CT45A5: variants seen among roughly 807,000 people sequenced by gnomAD.
The protein encoded by CT45A5 is cancer/testis antigen CT45-5.
downstream of CT45A5, among the ~76,000 whole-genome samples, chrX:135,776,841 C>CAT (rs1270795168): frequency 7.2e-5 from 1 of 13,970 alleles, no homozygotes. Flanking sequence ...CACACGCATA[C>CAT]ATATATATAT....
chrX:135,776,984 AC>A (rs2088214533), downstream of CT45A5: 1 of 49,316 alleles, frequency 2.0e-5, no homozygotes, highest in Non-Finnish European at 4.0e-5. Flanking sequence ...ACACACACAC[AC>A]ATTAAAATCT....
At chrX:135,776,943 AACAC>A (rs71254099), downstream of CT45A5, among the ~76,000 whole-genome samples, 6,129 of 14,663 alleles carry the variant, frequency 0.42, 129 homozygotes, top group Non-Finnish European at 0.48. Context: ...ACCCCCTACC[AACAC>A]ACACACACAC....
downstream of CT45A5, among the ~76,000 whole-genome samples, chrX:135,776,943 AACACACAC>A (rs71254099): frequency 1.1e-3 from 17 of 15,468 alleles, no homozygotes; most frequent in East Asian, 2.2e-3. Context: ...ACCCCCTACC[AACACACAC>A]ACACACACAC....
chrX:135,776,943 AACACACACAC>A (rs71254099), downstream of CT45A5, among the ~76,000 whole-genome samples: 1 of 15,492 alleles, frequency 6.5e-5, no homozygotes. Context: ...ACCCCCTACC[AACACACACAC>A]ACACACACAC....
chrX:135,776,980 ACACACATT>A (rs2088214432), downstream of CT45A5: 1 of 51,504 alleles, frequency 1.9e-5, no homozygotes. Flanking sequence ...ACACACACAC[ACACACATT>A]AAAATCTCCC....
downstream of CT45A5, among the ~76,000 whole-genome samples, chrX:135,776,943 AACACACACACACACAC>A (rs71254099): frequency 3.9e-4 from 6 of 15,484 alleles, no homozygotes; most frequent in African/African-American, 1.5e-3. Context: ...ACCCCCTACC[AACACACACACACACAC>A]ACACACACAC....
downstream of CT45A5, chrX:135,776,983 CACAT>C (rs2088214500): frequency 2.1e-5 from 1 of 47,337 alleles, no homozygotes; most frequent in Non-Finnish European, 4.0e-5. Flanking sequence ...CACACACACA[CACAT>C]TAAAATCTCC....
downstream of CT45A5, among the ~76,000 whole-genome samples, chrX:135,776,805 TTA>T (rs2088212316): frequency 1.4e-4 from 1 of 6,928 alleles, no homozygotes; most frequent in Admixed American, 1.6e-3. Context: ...ACTACCTTTA[TTA>T]TATATATTGG....
chrX:135,777,324 G>GA (rs2088219205), downstream of CT45A5: 1 of 94,566 alleles, frequency 1.1e-5, no homozygotes, highest in African/African-American at 3.6e-5. Context: ...ACATCAGTGT[G>GA]AGCTGCTGCA....
chrX:135,776,943 AAC>A (rs71254099), downstream of CT45A5, among the ~76,000 whole-genome samples: 1,318 of 15,277 alleles, frequency 0.086, 4 homozygotes, highest in Middle Eastern at 0.12. Context: ...ACCCCCTACC[AAC>A]ACACACACAC....
At chrX:135,776,984 ACAT>A (rs2148048256), downstream of CT45A5, 1 of 49,316 alleles carries the variant, frequency 2.0e-5, no homozygotes. Context: ...ACACACACAC[ACAT>A]TAAAATCTCC....
chrX:135,776,822 A>AC (rs2088212367), downstream of CT45A5, among the ~76,000 whole-genome samples: 1 of 10,093 alleles, frequency 9.9e-5, no homozygotes, highest in African/African-American at 2.8e-4. Flanking sequence ...TATTGGATAT[A>AC]CCCCCCCACA....
downstream of CT45A5, among the ~76,000 whole-genome samples, chrX:135,776,910 AGT>A (rs2088213184): frequency 3.6e-5 from 1 of 28,151 alleles, no homozygotes; most frequent in African/African-American, 1.1e-4. Flanking sequence ...GAGATTAGAA[AGT>A]GTGTGTGTGC....
Sources: allele counts gnomAD v4.1 joint callset (sites outside exome capture counted in the v4.1 genomes callset), GRCh38; gene constraint gnomAD v4.1.1; transcripts MANE v1.5; gene names NCBI Gene and HGNC (gene_info 2026-07-23, HGNC 2026-07-21).